FGD5: variants seen among roughly 807,000 people sequenced by gnomAD.
The protein encoded by FGD5 is FYVE, RhoGEF and PH domain containing 5.
A neutral mutation model predicts 133.4 loss-of-function variants in FGD5; 28 were observed. The ratio of observed to expected loss-of-function variants is 0.21; its 90% CI spans 0.16 to 0.29. The LOEUF (loss-of-function observed/expected upper bound fraction) is 0.29, where lower values mean the gene tolerates loss of function less well. FGD5 is among the 10% of genes least tolerant of loss of function. FGD5 has a pLI of 1.00. For missense variants in FGD5, 1,858 were observed against 1,895.2 expected (o/e 0.98, Z 0.36); for synonymous variants, 810 against 776.5 (o/e 1.04, Z -0.72).
At chr3:14,900,328 G>C (rs776248977) in intron 7 of FGD5, 75 bp from the exon 8 acceptor site, 50 of 1,449,592 alleles carry the variant, frequency 3.4e-5, no homozygotes, top group Admixed American at 5.5e-5. Context: ...TGGCAAGAGA[G>C]GGGGTGGCCA....
At chr3:14,811,091 C>T (rs1411826933) in intron 1 of FGD5, among the ~76,000 whole-genome samples, 2 of 152,046 alleles carry the variant, frequency 1.3e-5, no homozygotes, top group Non-Finnish European at 2.9e-5. Flanking sequence ...GGGACCTTCT[C>T]AGCCTTGGCG....
intron 1 of FGD5, among the ~76,000 whole-genome samples, chr3:14,852,777 A>T (rs769680754): frequency 2.6e-5 from 4 of 152,172 alleles, no homozygotes; most frequent in Non-Finnish European, 5.9e-5. Flanking sequence ...AACCATTACA[A>T]TGCTATCCCT....
At chr3:14,840,460 A>G (rs779130942) in intron 1 of FGD5, among the ~76,000 whole-genome samples, 3 of 151,548 alleles carry the variant, frequency 2.0e-5, no homozygotes, top group Non-Finnish European at 2.9e-5. Flanking sequence ...TTATATTTCT[A>G]TCTCCCTCCC....
intron 1 of FGD5, among the ~76,000 whole-genome samples, chr3:14,828,843 A>G (rs1262741860): frequency 5.6e-5 from 7 of 124,378 alleles, no homozygotes; most frequent in African/African-American, 1.2e-4. Flanking sequence ...TTTTTTTGAG[A>G]TGGAGCCTCA....
rs533622182 is a variant in FGD5, at chr3:14,892,012, T to C, written c.2749-5497T>C. Among the ~76,000 whole-genome samples the C allele has an allele frequency of 1.4e-4, 21 of 151,734 alleles. 1 individual carries two copies. The East Asian group carries it at 3.9e-3, about 28-fold the overall frequency. On this transcript the variant is annotated intron_variant, in intron 4 of 19. Coordinates refer to ENST00000285046, the MANE Select transcript of FGD5 (RefSeq NM_152536.4). ...TTTTCTTTTTCTCTCCCCGTTTCCC[T>C]CTCTGTCCCATCCCACCTCCCTGTC...
At chr3:14,848,884 C>G (rs976362910) in intron 1 of FGD5, among the ~76,000 whole-genome samples, 2 of 152,116 alleles carry the variant, frequency 1.3e-5, no homozygotes, top group Non-Finnish European at 1.5e-5. Flanking sequence ...AAACACTTTC[C>G]AGGCATCCAT....
upstream of FGD5, among the ~76,000 whole-genome samples, chr3:14,816,135 A>C (rs1376737863): frequency 6.6e-6 from 1 of 152,190 alleles, no homozygotes; most frequent in Non-Finnish European, 1.5e-5. Context: ...CCTTCAGATC[A>C]ATAGCTTGAT....
chr3:14,815,106 C>T (rs1156850443), upstream of FGD5, among the ~76,000 whole-genome samples: 1 of 152,206 alleles, frequency 6.6e-6, no homozygotes, highest in Non-Finnish European at 1.5e-5. Context: ...GCATGTCCCT[C>T]TGCTCAAAAC....
intron 4 of FGD5, chr3:14,882,477 C>T (rs951754179): frequency 2.8e-6 from 1 of 360,030 alleles, no homozygotes; most frequent in African/African-American, 2.2e-5. Flanking sequence ...GTGGGCTGAT[C>T]ATCTGAGATC....
intron 17 of FGD5, 42 bp from the exon 18 acceptor site, chr3:14,926,028 G>T: frequency 6.2e-7 from 1 of 1,609,376 alleles, no homozygotes; most frequent in South Asian, 1.1e-5. Flanking sequence ...AACTGTGCCT[G>T]ACCACCGGGG....
chr3:14,846,305 GC>G, intron 1 of FGD5, among the ~76,000 whole-genome samples: 1 of 152,200 alleles, frequency 6.6e-6, no homozygotes, highest in Non-Finnish European at 1.5e-5. Flanking sequence ...ATCCTCAGGG[GC>G]TCTATTTTTC....
intron 1 of FGD5, among the ~76,000 whole-genome samples, chr3:14,853,353 G>A (rs566142239): frequency 1.8e-4 from 28 of 152,084 alleles, no homozygotes; most frequent in Admixed American, 1.6e-3. Flanking sequence ...CCTCCCCTCC[G>A]CCCACTTACA....
At chr3:14,835,176 A>G (rs2036792256) in intron 1 of FGD5, among the ~76,000 whole-genome samples, 1 of 152,190 alleles carries the variant, frequency 6.6e-6, no homozygotes. Flanking sequence ...AGGCCAGGTG[A>G]GCAGGGAGGC....
intron 16 of FGD5, 54 bp downstream of exon 16, chr3:14,923,229 G>A (rs557472654): frequency 1.3e-6 from 2 of 1,565,776 alleles, no homozygotes; most frequent in East Asian, 4.7e-5. Flanking sequence ...TTCTCCCCAG[G>A]CTCCAGTGGC....
chr3:14,845,207 G>T (rs946277313), intron 1 of FGD5, among the ~76,000 whole-genome samples: 3 of 152,162 alleles, frequency 2.0e-5, no homozygotes, highest in African/African-American at 7.2e-5. Flanking sequence ...GGTTCTGAAG[G>T]CACCCTTGGA....
intron 1 of FGD5, among the ~76,000 whole-genome samples, chr3:14,833,721 C>T (rs530691548): frequency 2.1e-4 from 32 of 152,300 alleles, no homozygotes; most frequent in Non-Finnish European, 4.6e-4. Flanking sequence ...GATCCAGTAC[C>T]AGCTCTGAGG....
chr3:14,906,156 G>C (rs1158929991), intron 9 of FGD5, among the ~76,000 whole-genome samples: 2 of 152,292 alleles, frequency 1.3e-5, no homozygotes, highest in African/African-American at 4.8e-5. Flanking sequence ...CCACAGGAAG[G>C]CCCTCTCCCC....
intron 2 of FGD5, among the ~76,000 whole-genome samples, chr3:14,873,349 GAGTC>G (rs1433956784): frequency 1.3e-5 from 2 of 152,238 alleles, no homozygotes; most frequent in African/African-American, 2.4e-5. Flanking sequence ...TATGTTGTAA[GAGTC>G]AGAGCAGTCA....
Position 14,933,430 on chromosome 3 carries a change from T to G in FGD5, c.*263T>G. ...CGCCACCCAGTAATAAACTATTTCCTTACCCCGCAGTGAGTTAAAATTTAG... is the reference window on the plus strand; with the variant it reads ...CGCCACCCAGTAATAAACTATTTCCGTACCCCGCAGTGAGTTAAAATTTAG... On this transcript the variant is annotated 3_prime_UTR_variant, in exon 20 of 20. Coordinates refer to ENST00000285046, the MANE Select transcript of FGD5 (RefSeq NM_152536.4). 2.1e-6 allele frequency: 1 copy of G among 483,018 alleles called. No individual in the cohort carries two copies. Among genetic ancestry groups the G allele is most frequent in the East Asian group, 3.4e-5 (1 of 29,200 alleles). The allele number at this position is 483,018 out of a possible 1,614,324, so 29.9% of individuals were successfully genotyped here.
Sources: allele counts gnomAD v4.1 joint callset (sites outside exome capture counted in the v4.1 genomes callset), GRCh38; gene constraint gnomAD v4.1.1; transcripts MANE v1.5; gene names NCBI Gene and HGNC (gene_info 2026-07-23, HGNC 2026-07-21).